SLC7A7: variants seen among roughly 807,000 people sequenced by gnomAD.
SLC7A7 encodes the protein Y+L amino acid transporter 1.
A neutral mutation model predicts 47.9 loss-of-function variants in SLC7A7; 39 were observed. That is an observed-to-expected ratio of 0.81 (90% CI 0.63 to 1.06). The LOEUF (loss-of-function observed/expected upper bound fraction) is 1.06, where lower values mean the gene tolerates loss of function less well. SLC7A7 is among the 50% of genes least tolerant of loss of function. The pLI is 0.00. For synonymous variants in SLC7A7, 234 were observed against 242.8 expected (o/e 0.96, Z 0.34); for missense variants, 588 against 632.0 (o/e 0.93, Z 0.75).
intron 2 of SLC7A7, among the ~76,000 whole-genome samples, chr14:22,784,505 C>T (rs977008138): frequency 6.6e-6 from 1 of 152,028 alleles, no homozygotes; most frequent in African/African-American, 2.4e-5. Flanking sequence ...GTAGTCCCAT[C>T]TACTTGGGAG....
At chr14:22,813,478 T>C (rs1293216746) in intron 1 of SLC7A7, 38 bp from the exon 2 acceptor site, 1 of 1,575,682 alleles carries the variant, frequency 6.3e-7, no homozygotes, top group Non-Finnish European at 8.6e-7. Flanking sequence ...ATTAGGTGGT[T>C]GGCAATTACA....
intron 2 of SLC7A7, among the ~76,000 whole-genome samples, chr14:22,806,692 T>C (rs2039215481): frequency 6.6e-6 from 1 of 151,990 alleles, no homozygotes; most frequent in African/African-American, 2.4e-5. Flanking sequence ...TTATGGGATA[T>C]GAGAAGGCCA....
chr14:22,786,612 T>C (rs939640456), intron 2 of SLC7A7, among the ~76,000 whole-genome samples: 2 of 152,224 alleles, frequency 1.3e-5, no homozygotes, highest in African/African-American at 4.8e-5. Flanking sequence ...TGATGAGATC[T>C]TTCCTCCCCT....
At chr14:22,782,705 G>A (rs1322425607) in intron 2 of SLC7A7, among the ~76,000 whole-genome samples, 4 of 150,086 alleles carry the variant, frequency 2.7e-5, no homozygotes, top group East Asian at 3.9e-4. Context: ...CAGGTGATCC[G>A]CCCACCTCGG....
At chr14:22,787,755 CA>C (rs906795576) in intron 2 of SLC7A7, among the ~76,000 whole-genome samples, 3 of 149,798 alleles carry the variant, frequency 2.0e-5, no homozygotes, top group Admixed American at 6.7e-5. Context: ...CACTCTGTCT[CA>C]AAAAAAATTT....
At chr14:22,797,002 A>G (rs1747034891) in intron 2 of SLC7A7, among the ~76,000 whole-genome samples, 1 of 152,232 alleles carries the variant, frequency 6.6e-6, no homozygotes, top group African/African-American at 2.4e-5. Flanking sequence ...ACTTGCAGTA[A>G]TAGATACTAT....
chr14:22,788,028 G>A (rs1359692062), intron 2 of SLC7A7, among the ~76,000 whole-genome samples: 4 of 151,520 alleles, frequency 2.6e-5, no homozygotes, highest in South Asian at 4.2e-4. Flanking sequence ...AGCCGAGATC[G>A]CGCCACCGCA....
At chr14:22,795,377 GCTTGCTTGCTTTCTTTCTTTCTTT>G (rs1463546803) in intron 2 of SLC7A7, among the ~76,000 whole-genome samples, 259 of 7,332 alleles carry the variant, frequency 0.035, 3 homozygotes, top group Admixed American at 0.094. Flanking sequence ...TCTGAGTATT[GCTTGCTTGCTTTCTTTCTTTCTTT>G]CTTTCTTTCT....
At position 22,813,371 on chromosome 14, in the gene SLC7A7, C is replaced by T. The variant is rs1287730540; in HGVS notation, c.28G>A (p.Ala10Thr). The T allele has an allele frequency of 6.2e-7, 1 of 1,613,156 alleles. No individual in the cohort carries two copies. The highest frequency in any genetic ancestry group is 8.5e-7 in the Non-Finnish European group (1 of 1,180,038). The change falls in exon 2 of 10, where the codon GCC becomes ACC. Residue 10 changes from alanine to threonine, a missense_variant. By Grantham distance (58) the Ala-to-Thr change is moderately conservative. Transcript: ENST00000674313. The part of the protein sequence containing the change: MVDSTEYEV[A>T]SQPEVETSPL... Reference sequence around the variant, plus strand: ...GAGGTTTCCACCTCAGGCTGGGAGGCCACTTCATACTCAGTGCTGTCAACC... The same window carrying T: ...GAGGTTTCCACCTCAGGCTGGGAGGTCACTTCATACTCAGTGCTGTCAACC...
chr14:22,787,747 C>G (rs772795528), intron 2 of SLC7A7, among the ~76,000 whole-genome samples: 517 of 144,034 alleles, frequency 3.6e-3, no homozygotes, highest in Middle Eastern at 0.013. Context: ...CAGAGCAACA[C>G]TCTGTCTCAA....
At chr14:22,802,186 T>C (rs999550467) in intron 2 of SLC7A7, among the ~76,000 whole-genome samples, 15 of 152,132 alleles carry the variant, frequency 9.9e-5, no homozygotes, top group Non-Finnish European at 2.1e-4. Flanking sequence ...GCAGATCACT[T>C]GAGTTCAGGA....
At chr14:22,806,650 G>T (rs966793840) in intron 2 of SLC7A7, among the ~76,000 whole-genome samples, 2 of 151,964 alleles carry the variant, frequency 1.3e-5, no homozygotes, top group Non-Finnish European at 2.9e-5. Flanking sequence ...CCCATACCTA[G>T]AATATATGGG....
At chr14:22,798,928 A>G (rs896647964) in intron 2 of SLC7A7, among the ~76,000 whole-genome samples, 4 of 152,192 alleles carry the variant, frequency 2.6e-5, no homozygotes, top group Non-Finnish European at 5.9e-5. Context: ...ACTGCATTAG[A>G]ACAGTGTACA....
Position 22,813,261 on chromosome 14 carries a change from A to G in SLC7A7, c.138T>C (p.Ile46=). The G allele has an allele frequency of 6.2e-7, 1 of 1,613,868 alleles. No individual in the cohort carries two copies. The highest frequency in any genetic ancestry group is 8.5e-7 in the Non-Finnish European group (1 of 1,179,764). ...EISLLNGVCL[I]VGNMIGSGIF... is the part of the protein sequence containing the mutation. ...TGCCCGAGCCGATCATGTTCCCCACAATCAGGCACACGCCGTTAAGCAGTG... is the reference window on the plus strand; with the variant it reads ...TGCCCGAGCCGATCATGTTCCCCACGATCAGGCACACGCCGTTAAGCAGTG... Residue 46 remains isoleucine (I), a synonymous_variant, in exon 2 of 10, where the codon ATT becomes ATC. Coordinates refer to ENST00000674313, the MANE Select transcript of SLC7A7 (RefSeq NM_003982.4).
intron 2 of SLC7A7, among the ~76,000 whole-genome samples, chr14:22,801,674 A>G (rs1594972521): frequency 1.3e-5 from 2 of 152,134 alleles, no homozygotes; most frequent in East Asian, 1.9e-4. Context: ...GCTACTCAGG[A>G]GGAGACAGGA....
chr14:22,795,794 T>G (rs1333290540), intron 2 of SLC7A7, among the ~76,000 whole-genome samples: 1 of 152,144 alleles, frequency 6.6e-6, no homozygotes, highest in Non-Finnish European at 1.5e-5. Flanking sequence ...ATTCTCCAGA[T>G]GATTCCAATC....
intron 4 of SLC7A7, 43 bp downstream of exon 4, chr14:22,778,750 G>A: frequency 5.6e-6 from 9 of 1,603,676 alleles, no homozygotes; most frequent in Non-Finnish European, 7.7e-6. Context: ...CTCATTAAAT[G>A]ATGGCTATCA....
intron 2 of SLC7A7, among the ~76,000 whole-genome samples, chr14:22,811,909 A>T (rs893330781): frequency 6.6e-6 from 1 of 152,004 alleles, no homozygotes; most frequent in Non-Finnish European, 1.5e-5. Flanking sequence ...CTGCAAAAAG[A>T]TATTCACTGG....
At chr14:22,780,177 A>T in intron 2 of SLC7A7, 126 bp from the exon 3 acceptor site, 4 of 1,372,186 alleles carry the variant, frequency 2.9e-6, no homozygotes, top group Non-Finnish European at 3.1e-6. Context: ...AGACCCTCTG[A>T]CCTGCTCTGC....
Sources: gnomAD v4.1 joint callset for allele counts (sites outside exome capture counted in the v4.1 genomes callset) on GRCh38, gnomAD v4.1.1 for gene constraint, MANE v1.5 for transcripts, NCBI Gene and HGNC (gene_info 2026-07-23, HGNC 2026-07-21) for gene names.